GAD1: variants seen among roughly 807,000 people sequenced by gnomAD.
GAD1 encodes the protein glutamate decarboxylase 1.
Under a neutral mutation model 75.2 loss-of-function variants are expected in GAD1, and 35 were observed. That is an observed-to-expected ratio of 0.47 (90% confidence interval 0.36 to 0.62). GAD1 has a LOEUF of 0.62. Ranked by LOEUF, GAD1 falls within the 20% of genes least tolerant of loss-of-function variation. GAD1 has a pLI of 0.00. For synonymous variants in GAD1, 257 were observed against 271.9 expected (o/e 0.95, Z 0.54); for missense variants, 490 against 758.5 (o/e 0.65, Z 4.16).
rs747233052 is a variant in GAD1, at chr2:170,847,832, G to A, written c.1119+40G>A. ...ACTCAGGCCAGTCCATGTGGGGGGT[G>A]GAGGCACCTCTTTTTTATGACTTGC... On this transcript the variant is annotated intron_variant, in intron 11 of 16. Coordinates refer to ENST00000358196, the MANE Select transcript of GAD1 (RefSeq NM_000817.3). 11 of 1,342,584 alleles carry A rather than the reference G, an allele frequency of 8.2e-6. 1 individual carries two copies. The South Asian group carries it at 9.4e-5, about 11-fold the overall frequency. 83.2% of individuals were successfully genotyped at this position (1,342,584 alleles called of 1,614,324 possible).
In GAD1 at chr2:170,832,660, G is replaced by A. The variant is rs908967939; in HGVS notation, c.547+1468G>A. Among the ~76,000 whole-genome samples the A allele has an allele frequency of 3.1e-4, 25 of 79,472 alleles. 1 individual carries two copies. The highest frequency in any genetic ancestry group is 8.5e-4 in the East Asian group (3 of 3,524). The allele number at this position is 79,472 out of a possible 152,430, so 52.1% of individuals were successfully genotyped here. On this transcript the variant is annotated intron_variant, in intron 5 of 16. Coordinates refer to ENST00000358196, the MANE Select transcript of GAD1 (RefSeq NM_000817.3). ...AAGACACAGGCACACATGCGCGCGC[G>A]CGCGCACACACACACACACACACAC...
chr2:170,830,007 G>C, intron 4 of GAD1: 1 of 290,472 alleles, frequency 3.4e-6, no homozygotes, highest in South Asian at 3.3e-5. Flanking sequence ...CACACTATGG[G>C]AAGTTGCATG....
At chr2:170,854,220 C>T (rs756077195) in intron 14 of GAD1, among the ~76,000 whole-genome samples, 198 bp downstream of exon 14, 2 of 152,080 alleles carry the variant, frequency 1.3e-5, no homozygotes, top group African/African-American at 2.4e-5. Context: ...TGTTCAGTCT[C>T]CTCAATTTGA....
At chr2:170,826,585 G>A (rs1352204489) in intron 3 of GAD1, among the ~76,000 whole-genome samples, 2 of 111,708 alleles carry the variant, frequency 1.8e-5, no homozygotes, top group Non-Finnish European at 4.1e-5. Context: ...AAAAAAAAAA[G>A]CTGTGGCATA....
chr2:170,833,517 G>A (rs1702293883), intron 5 of GAD1, among the ~76,000 whole-genome samples: 1 of 152,204 alleles, frequency 6.6e-6, no homozygotes, highest in African/African-American at 2.4e-5. Flanking sequence ...AATTCCCCAT[G>A]TATGTTTAGC....
rs1008417661 is a variant in GAD1 at position 170,852,665 on chromosome 2, C to T, written c.1185-49C>T. The stretch of plus-strand genomic sequence containing the variant: ...GGTGTTTTCCTCAAGAGAACAGTTG[C>T]GTCTTTCCAACTCCTGCACCTTCTC... On this transcript the variant is annotated intron_variant, in intron 12 of 16. Transcript: ENST00000358196. 10 of 1,500,856 alleles carry T rather than the reference C, an allele frequency of 6.7e-6. No individual in the cohort carries two copies. In the Admixed American group the frequency reaches 8.4e-5, roughly 13 times the overall value. The allele number at this position is 1,500,856 out of a possible 1,614,324, so 93.0% of individuals were successfully genotyped here.
chr2:170,851,113 C>G (rs1022319270), intron 12 of GAD1, among the ~76,000 whole-genome samples: 11 of 152,056 alleles, frequency 7.2e-5, no homozygotes, highest in African/African-American at 2.7e-4. Context: ...TCTAGGAAAA[C>G]TTAAAACATT....
chr2:170,819,022 G>C (rs909100984), intron 2 of GAD1, among the ~76,000 whole-genome samples: 2 of 152,160 alleles, frequency 1.3e-5, no homozygotes, highest in Non-Finnish European at 2.9e-5. Context: ...GCGGAATGAA[G>C]AGCTAGGAGC....
At chr2:170,816,559 G>A (rs1489967980), upstream of GAD1, 1 of 152,026 alleles carries the variant, frequency 6.6e-6, no homozygotes, top group Non-Finnish European at 1.5e-5. Flanking sequence ...GCTCAGAAAG[G>A]CAGAATTCTT....
intron 2 of GAD1, among the ~76,000 whole-genome samples, chr2:170,821,295 G>T (rs1433270126): frequency 6.6e-6 from 1 of 152,140 alleles, no homozygotes; most frequent in Non-Finnish European, 1.5e-5. Flanking sequence ...GACCTTGAGG[G>T]GTTTGAGAAC....
At chr2:170,829,693 G>C (rs1049140425) in intron 4 of GAD1, 60 bp downstream of exon 4, 1 of 1,555,176 alleles carries the variant, frequency 6.4e-7, no homozygotes, top group Non-Finnish European at 8.8e-7. Flanking sequence ...TGAGTTTCTT[G>C]ACTTTTTCCT....
intron 5 of GAD1, among the ~76,000 whole-genome samples, chr2:170,831,777 TTTATA>T (rs200013347): frequency 1.3e-4 from 19 of 144,962 alleles, no homozygotes; most frequent in Non-Finnish European, 2.1e-4. Context: ...ATATATAATA[TTTATA>T]TTATATATTA....
chr2:170,831,965 CA>C (rs894174567), intron 5 of GAD1, among the ~76,000 whole-genome samples: 3 of 150,856 alleles, frequency 2.0e-5, no homozygotes, highest in African/African-American at 2.4e-5. Flanking sequence ...GACCCTATCT[CA>C]AAAAAAAGAA....
intron 12 of GAD1, among the ~76,000 whole-genome samples, chr2:170,850,529 G>C (rs1702725296): frequency 6.6e-6 from 1 of 152,230 alleles, no homozygotes; most frequent in Non-Finnish European, 1.5e-5. Flanking sequence ...GAGAGAGGTA[G>C]AAGCAGACTA....
At chr2:170,856,164 T>C (rs147996714) in intron 14 of GAD1, among the ~76,000 whole-genome samples, 3,252 of 152,296 alleles carry the variant, frequency 0.021, 126 homozygotes, top group Admixed American at 0.1. Flanking sequence ...CTCAGGCCCA[T>C]TAGCAATCCA....
chr2:170,844,024 T>C (rs1295792045), intron 6 of GAD1, 21 bp from the exon 7 acceptor site: 1 of 1,306,414 alleles, frequency 7.7e-7, no homozygotes, highest in Admixed American at 1.7e-5. Flanking sequence ...TCTTTCATCC[T>C]TCTTCTTACC....
intron 3 of GAD1, among the ~76,000 whole-genome samples, chr2:170,826,597 C>T (rs1477061): frequency 0.61 from 90,870 of 149,232 alleles, 31,343 homozygotes; most frequent in East Asian, 0.92. Flanking sequence ...TGTGGCATAA[C>T]GATCGTTTCT....
rs764523993 is a variant in GAD1, at chr2:170,831,131, C to T, written c.486C>T (p.Pro162=). The T allele has an allele frequency of 1.7e-5, 28 of 1,614,026 alleles. No homozygotes were observed. The highest frequency in any genetic ancestry group is 4.0e-5 in the African/African-American group (3 of 74,922). Reference sequence around the variant, plus strand: ...TCAACTTGGAGCTCTCTGACCACCCCGAGTCCCTGGAGCAGATCCTGGTTG... The same window carrying T: ...TCAACTTGGAGCTCTCTGACCACCCTGAGTCCCTGGAGCAGATCCTGGTTG... ...EGFNLELSDH[P]ESLEQILVDC... The change falls in exon 5 of 17, where the codon CCC becomes CCT. Residue 162 remains proline (P), a synonymous_variant. Coordinates refer to ENST00000358196, the MANE Select transcript of GAD1 (RefSeq NM_000817.3).
chr2:170,858,757 C>A, intron 15 of GAD1, 47 bp from the exon 16 acceptor site: 1 of 1,575,800 alleles, frequency 6.3e-7, no homozygotes, highest in South Asian at 1.1e-5. Context: ...ACAGCTTTCT[C>A]TCAAGTTATC....
Sources: allele counts gnomAD v4.1 joint callset (sites outside exome capture counted in the v4.1 genomes callset), GRCh38; gene constraint gnomAD v4.1.1; transcripts MANE v1.5; gene names NCBI Gene and HGNC (gene_info 2026-07-23, HGNC 2026-07-21).